Variants in KIFAP3 observed in about 807,000 individuals in gnomAD.
KIFAP3 encodes the protein kinesin associated protein 3.
Under a neutral mutation model 106.5 loss-of-function variants are expected in KIFAP3, and 68 were observed. That is an observed-to-expected ratio of 0.64 (90% confidence interval 0.53 to 0.78). The LOEUF (loss-of-function observed/expected upper bound fraction) is 0.78, where lower values mean the gene tolerates loss of function less well. Among genes scored for constraint, KIFAP3 ranks in the 30% least tolerant of loss-of-function variants. The pLI is 0.00. For synonymous variants in KIFAP3, 320 were observed against 311.5 expected, an observed-to-expected ratio of 1.03 and a Z score of -0.29; for missense variants, 780 against 941.8, an observed-to-expected ratio of 0.83 and a Z score of 2.25.
chr1:170,048,239 T>C (rs917700747), intron 2 of KIFAP3, among the ~76,000 whole-genome samples: 1 of 152,118 alleles, frequency 6.6e-6, no homozygotes, highest in Non-Finnish European at 1.5e-5. Flanking sequence ...CTAGAGTGCC[T>C]TCTAATGTTT....
chr1:170,024,348 T>C, intron 9 of KIFAP3, 70 bp downstream of exon 9: 1 of 1,029,996 alleles, frequency 9.7e-7, no homozygotes, highest in East Asian at 2.6e-5. Context: ...AAGTGTTTAA[T>C]TTTTTTCAAA....
At chr1:169,980,816 A>G (rs1487528370) in intron 15 of KIFAP3, among the ~76,000 whole-genome samples, 1 of 152,164 alleles carries the variant, frequency 6.6e-6, no homozygotes, top group Admixed American at 6.5e-5. Context: ...GAAAGAAGTG[A>G]TATAGCCGGG....
rs143446827 is a variant in KIFAP3, at chr1:169,982,483, T to C, written c.1672+219A>G. Among the ~76,000 whole-genome samples, 71 of 152,144 alleles carry C rather than the reference T, an allele frequency of 4.7e-4. No individual in the cohort carries two copies. In the East Asian group the frequency reaches 0.011, roughly 24 times the overall value. Reference sequence around the variant, plus strand: ...CCAAAAGACCACAAGAAAGGTAGAATAGGAAATAGAAACTAACATAAGAAA... The same window carrying C: ...CCAAAAGACCACAAGAAAGGTAGAACAGGAAATAGAAACTAACATAAGAAA... On this transcript the variant is annotated intron_variant, in intron 14 of 19. Transcript: ENST00000361580.
intron 4 of KIFAP3, among the ~76,000 whole-genome samples, chr1:170,038,833 C>G (rs1170750338): frequency 6.6e-6 from 1 of 152,072 alleles, no homozygotes; most frequent in African/African-American, 2.4e-5. Context: ...AGCTACAATC[C>G]CAGCACTTTG....
intron 3 of KIFAP3, among the ~76,000 whole-genome samples, chr1:170,039,532 C>G (rs1669869216): frequency 6.6e-6 from 1 of 152,064 alleles, no homozygotes; most frequent in Non-Finnish European, 1.5e-5. Context: ...CCTTGGTTAA[C>G]TTTTTGGGTA....
At chr1:169,948,886 TAGAC>T (rs1664586500) in intron 19 of KIFAP3, among the ~76,000 whole-genome samples, 6 of 152,006 alleles carry the variant, frequency 3.9e-5, no homozygotes, top group Admixed American at 3.9e-4. Context: ...CAATGCCTTT[TAGAC>T]AGAGAATATG....
At position 170,035,546 on chromosome 1, in the gene KIFAP3, G is replaced by A; in HGVS notation, c.525C>T (p.Ala175=). 1 of 1,598,084 alleles carries A rather than the reference G, an allele frequency of 6.3e-7. No individual in the cohort carries two copies. Among genetic ancestry groups the A allele is most frequent in the Admixed American group, 1.7e-5 (1 of 57,960 alleles). Reference sequence around the variant, plus strand: ...TCAGGACCCTTGCTAATGCACCAAGGGCAGTTTCTAAAGAAAAAGGAGAGG... The same window carrying A: ...TCAGGACCCTTGCTAATGCACCAAGAGCAGTTTCTAAAGAAAAAGGAGAGG... The part of the protein sequence containing the change: ...NLEELLLNET[A]LGALARVLRE... Residue 175 remains alanine, a synonymous_variant, in exon 6 of 20, where the codon GCC becomes GCT. Transcript: ENST00000361580.
At chr1:169,978,525 T>C (rs1666347159) in intron 15 of KIFAP3, among the ~76,000 whole-genome samples, 1 of 152,058 alleles carries the variant, frequency 6.6e-6, no homozygotes, top group South Asian at 2.1e-4. Flanking sequence ...TAAAAAGGTA[T>C]TTCCTTTTGT....
chr1:170,046,559 T>C (rs7555871), intron 3 of KIFAP3, among the ~76,000 whole-genome samples, 153 bp downstream of exon 3: 24,971 of 152,224 alleles, frequency 0.16, 2,218 homozygotes, highest in Middle Eastern at 0.22. Context: ...TAATGTTTAT[T>C]CTTTGTTGTT....
chr1:170,034,390 A>T lies in KIFAP3; in HGVS notation c.724T>A (p.Ser242Thr). ...KRHELWQEEL[S>T]KKKKAVDEDP... ...AGGATATCAGCTTTCTTCTTCTTTG[A>T]GAGTTCTTCTTGCCAAAGCTCATGT... Residue 242 changes from serine to threonine, a missense_variant, in exon 7 of 20, where the codon TCA becomes ACA. Physicochemically the swap from Ser to Thr is moderately conservative, Grantham distance 58. Coordinates refer to ENST00000361580, the MANE Select transcript of KIFAP3 (RefSeq NM_014970.4). The T allele has an allele frequency of 6.2e-7, 1 of 1,605,906 alleles. No homozygotes were observed. Among genetic ancestry groups the T allele is most frequent in the Non-Finnish European group, 8.5e-7 (1 of 1,176,548 alleles).
intron 11 of KIFAP3, among the ~76,000 whole-genome samples, chr1:169,990,951 A>G (rs1240995199): frequency 6.6e-6 from 1 of 152,148 alleles, no homozygotes; most frequent in Admixed American, 6.6e-5. Flanking sequence ...AAGACATGTG[A>G]CAAACTTAAG....
At chr1:169,948,838 A>G (rs1326639971) in intron 19 of KIFAP3, among the ~76,000 whole-genome samples, 1 of 152,032 alleles carries the variant, frequency 6.6e-6, no homozygotes, top group African/African-American at 2.4e-5. Flanking sequence ...AACTCATAAT[A>G]TACAGTTCTA....
At chr1:169,982,642 T>C in intron 14 of KIFAP3, 60 bp downstream of exon 14, 2 of 1,169,744 alleles carry the variant, frequency 1.7e-6, no homozygotes, top group Non-Finnish European at 2.4e-6. Flanking sequence ...CTAGCAGCCT[T>C]ATCCATAACA....
chr1:169,988,356 G>A (rs1304053396), intron 11 of KIFAP3, among the ~76,000 whole-genome samples: 3 of 151,878 alleles, frequency 2.0e-5, no homozygotes, highest in African/African-American at 7.2e-5. Flanking sequence ...AATTAATGAA[G>A]ATGACTATAT....
rs114818775 is a variant in KIFAP3, at chr1:170,006,738, C to T, written c.1183+9724G>A. Among the ~76,000 whole-genome samples the T allele has an allele frequency of 8.4e-3, 1,284 of 152,068 alleles. 23 individuals carry two copies. Among genetic ancestry groups the T allele is most frequent in the African/African-American group, 0.028 (1,164 of 41,476 alleles). On this transcript the variant is annotated intron_variant, in intron 10 of 19. Coordinates refer to ENST00000361580, the MANE Select transcript of KIFAP3 (RefSeq NM_014970.4). Reference sequence around the variant, plus strand: ...ATTGAGGTGAGGGTAGGGCAGAGATCGGGAGCTTAATTTTGAACCTGTTAA... The same window carrying T: ...ATTGAGGTGAGGGTAGGGCAGAGATTGGGAGCTTAATTTTGAACCTGTTAA...
intron 10 of KIFAP3, among the ~76,000 whole-genome samples, chr1:169,996,070 T>C (rs1667360172): frequency 6.6e-6 from 1 of 152,104 alleles, no homozygotes; most frequent in Non-Finnish European, 1.5e-5. Flanking sequence ...ACAATTTATA[T>C]TAATTTTATA....
intron 1 of KIFAP3, among the ~76,000 whole-genome samples, chr1:170,081,321 A>C (rs12142459): frequency 0.063 from 9,607 of 152,312 alleles, 392 homozygotes; most frequent in Non-Finnish European, 0.095. Flanking sequence ...TGGAACTGGA[A>C]ATTTAACCAC....
At chr1:169,937,682 A>G (rs1438590633) in intron 19 of KIFAP3, among the ~76,000 whole-genome samples, 2 of 151,874 alleles carry the variant, frequency 1.3e-5, no homozygotes, top group African/African-American at 4.8e-5. Context: ...CTAAAGATAC[A>G]ACTTTAAGAT....
intron 16 of KIFAP3, among the ~76,000 whole-genome samples, chr1:169,975,899 C>T (rs1666200254): frequency 6.6e-6 from 1 of 152,118 alleles, no homozygotes; most frequent in Non-Finnish European, 1.5e-5. Context: ...CCCTGTTGCA[C>T]CATTATCAAC....
Sources: allele counts gnomAD v4.1 joint callset (sites outside exome capture counted in the v4.1 genomes callset), GRCh38; gene constraint gnomAD v4.1.1; transcripts MANE v1.5; gene names NCBI Gene and HGNC (gene_info 2026-07-23, HGNC 2026-07-21).